The following LIPN variants were observed in gnomAD, a reference collection of about 807,000 sequenced individuals.
LIPN encodes lipase member N.
Under a neutral mutation model 43.7 loss-of-function variants are expected in LIPN, and 32 were observed. The observed-to-expected ratio is 0.73, with a 90% CI of 0.55 to 0.98. LIPN has a LOEUF of 0.98. Among genes scored for constraint, LIPN ranks in the 50% least tolerant of loss-of-function variants. The pLI, the probability that LIPN is intolerant of heterozygous loss-of-function variation, is 0.00. For synonymous variants in LIPN, 156 were observed against 157.6 expected, an observed-to-expected ratio of 0.99 and a Z score of 0.08; for missense variants, 505 against 483.8, an observed-to-expected ratio of 1.04 and a Z score of -0.41.
chr10:88,774,620 A>C, intron 8 of LIPN, 76 bp downstream of exon 8: 1 of 1,206,886 alleles, frequency 8.3e-7, no homozygotes, highest in African/African-American at 1.5e-5. Flanking sequence ...GACCCTGTTA[A>C]CAGGCCTACC....
chr10:88,760,282 T>C (rs144618756), intron 1 of LIPN, among the ~76,000 whole-genome samples, 176 bp downstream of exon 1: 2 of 152,168 alleles, frequency 1.3e-5, no homozygotes, highest in Non-Finnish European at 2.9e-5. Context: ...TTTTTTTAAT[T>C]GATAAAATGA....
In LIPN at chr10:88,761,404, C is replaced by T; in HGVS notation, c.-2C>T. 1 of 1,596,502 alleles carries T rather than the reference C, an allele frequency of 6.3e-7. No homozygotes were observed. Among genetic ancestry groups the T allele is most frequent in the South Asian group, 1.1e-5 (1 of 90,692 alleles). ...ATTAAATGTTTTATGCCAGGCATTTCTATGATGTGGCTGCTTTTAACAACA... is the reference window on the plus strand; with the variant it reads ...ATTAAATGTTTTATGCCAGGCATTTTTATGATGTGGCTGCTTTTAACAACA... On this transcript the variant is annotated 5_prime_UTR_variant, in exon 2 of 10. Coordinates refer to ENST00000404459, the MANE Select transcript of LIPN (RefSeq NM_001102469.2).
rs548245976 is a variant in LIPN, at chr10:88,773,483, AC to A, written c.820-988del. On this transcript the variant is annotated intron_variant, in intron 7 of 9. Transcript: ENST00000404459. Reference sequence around the variant, plus strand: ...TGGGTGACTTTTGTTTTGAAGTAAAACCTGCAAAATAACAGGACAGGGTGGA... The same window carrying A: ...TGGGTGACTTTTGTTTTGAAGTAAAACTGCAAAATAACAGGACAGGGTGGA... 3.3e-3 allele frequency among the ~76,000 whole-genome samples: 502 copies of A among 152,010 alleles called. 3 individuals carry two copies. Among genetic ancestry groups the A allele is most frequent in the African/African-American group, 0.012 (482 of 41,520 alleles).
In LIPN at chr10:88,767,002, A is replaced by ACTT. The variant is rs1843112870; in HGVS notation, c.535+625_535+627dup. On this transcript the variant is annotated intron_variant, in intron 5 of 9. Coordinates refer to ENST00000404459, the MANE Select transcript of LIPN (RefSeq NM_001102469.2). The stretch of plus-strand genomic sequence containing the variant: ...AAGCTGACAACTTACTTCTTAATTT[A>ACTT]CTTACTTTACTTAATTTACTTTACA... Among the ~76,000 whole-genome samples, 6 of 151,970 alleles carry ACTT rather than the reference A, an allele frequency of 3.9e-5. No individual in the cohort carries two copies. The South Asian group carries it at 1.2e-3, about 31-fold the overall frequency.
At position 88,775,147 on chromosome 10, in the gene LIPN, T is replaced by G. The variant is rs374661086; in HGVS notation, c.947T>G (p.Met316Arg). Residue 316 changes from methionine (M) to arginine (R), a missense_variant, in exon 9 of 10, where the codon ATG becomes AGG. By Grantham distance (91) the Met-to-Arg change is moderately conservative. Coordinates refer to ENST00000404459, the MANE Select transcript of LIPN (RefSeq NM_001102469.2). ...AYDWGNDADN[M>R]KHYNQSHPPI... ...GACTGGGGAAATGACGCTGATAATA[T>G]GAAACATTACAATCAGGTGAGCTAT... 3.9e-6 allele frequency: 6 copies of G among 1,544,342 alleles called. No homozygotes were observed. In the African/African-American group the frequency reaches 8.2e-5, roughly 21 times the overall value.
At chr10:88,761,930 A>C (rs1305430415) in intron 2 of LIPN, among the ~76,000 whole-genome samples, 1 of 152,088 alleles carries the variant, frequency 6.6e-6, no homozygotes, top group Non-Finnish European at 1.5e-5. Flanking sequence ...AAGACAATTG[A>C]CTTGATAATA....
In LIPN at chr10:88,767,675, A is replaced by T. The variant is rs1400274821; in HGVS notation, c.536-1117A>T. ...AAAAAAAAAAAAAAAAAAAAAAAAA[A>T]AAAAAAAAAAAAAAAAACCATGGAG... On this transcript the variant is annotated intron_variant, in intron 5 of 9. Transcript: ENST00000404459. Among the ~76,000 whole-genome samples the T allele has an allele frequency of 3.8e-4, 35 of 91,760 alleles. 1 individual carries two copies. Among genetic ancestry groups the T allele is most frequent in the African/African-American group, 1.2e-3 (31 of 25,146 alleles). The allele number at this position is 91,760 out of a possible 152,430, so 60.2% of individuals were successfully genotyped here. A position where few individuals can be genotyped will look rare whatever the true frequency, so the allele number is the denominator to read the frequency against.
At chr10:88,758,243 G>A (rs966972121), upstream of LIPN, among the ~76,000 whole-genome samples, 8 of 151,796 alleles carry the variant, frequency 5.3e-5, no homozygotes, top group African/African-American at 1.7e-4. Context: ...ACAATTGAAT[G>A]AGTAACCATC....
chr10:88,761,344 TA>T, intron 1 of LIPN, 53 bp from the exon 2 acceptor site: 1 of 1,010,228 alleles, frequency 9.9e-7, no homozygotes, highest in Non-Finnish European at 1.6e-6. Context: ...TTTATTTCAT[TA>T]ATCAACATTG....
Position 88,770,004 on chromosome 10 carries a change from T to TTTG in LIPN, c.673-840_673-839insTGT, listed in dbSNP as rs1843178488. 2.0e-4 allele frequency among the ~76,000 whole-genome samples: 30 copies of TTTG among 151,958 alleles called. 1 individual carries two copies. In the South Asian group the frequency reaches 6.2e-3, roughly 31 times the overall value. The stretch of plus-strand genomic sequence containing the variant: ...ATCTATCTGTAAATACATATATGCG[T>TTTG]TGTTTGTGTTGCTCTTCCTACATAG... On this transcript the variant is annotated intron_variant, in intron 6 of 9. Transcript: ENST00000404459.
chr10:88,774,688 T>A (rs1170205724), intron 8 of LIPN, 144 bp downstream of exon 8: 7 of 674,426 alleles, frequency 1.0e-5, no homozygotes, highest in East Asian at 2.7e-5. Flanking sequence ...TATGCCTTGA[T>A]TTCCCTGGAA....
chr10:88,774,813 C>T (rs530177412), intron 8 of LIPN, among the ~76,000 whole-genome samples: 1 of 152,000 alleles, frequency 6.6e-6, no homozygotes, highest in Non-Finnish European at 1.5e-5. Flanking sequence ...ACTAGGGAAG[C>T]CTCAGGAGAA....
chr10:88,768,815 C>A lies in LIPN; in HGVS notation c.559C>A (p.Pro187Thr), dbSNP rs1843155255. 7 of 1,611,324 alleles carry A rather than the reference C, an allele frequency of 4.3e-6. No homozygotes were observed. Among genetic ancestry groups the A allele is most frequent in the Non-Finnish European group, 5.9e-6 (7 of 1,178,310 alleles). Residue 187 changes from proline (P) to threonine (T), a missense_variant, in exon 6 of 10, where the codon CCT becomes ACT. Pro to Thr is a conservative substitution (Grantham distance 38). Coordinates refer to ENST00000404459, the MANE Select transcript of LIPN (RefSeq NM_001102469.2). Reference sequence around the variant, plus strand: ...AGGGTTTGTAGCCTTTTCCACCATGCCTGAACTGGCACAAAGAATCAAAAT... The same window carrying A: ...AGGGTTTGTAGCCTTTTCCACCATGACTGAACTGGCACAAAGAATCAAAAT... ...TIGFVAFSTM[P>T]ELAQRIKMNF... is the part of the protein sequence containing the mutation.
At chr10:88,771,015 A>T in intron 7 of LIPN, 24 bp downstream of exon 7, 1 of 1,528,388 alleles carries the variant, frequency 6.5e-7, no homozygotes. Flanking sequence ...TTATAGGGCC[A>T]TTTGATACCT....
In LIPN at chr10:88,778,286, A is replaced by T. The variant is rs190548352; in HGVS notation, c.*44A>T. The T allele has an allele frequency of 6.9e-7, 1 of 1,447,460 alleles. No homozygotes were observed. Among genetic ancestry groups the T allele is most frequent in the East Asian group, 2.4e-5 (1 of 40,882 alleles). 89.7% of individuals were successfully genotyped at this position (1,447,460 alleles called of 1,614,324 possible). A position where few individuals can be genotyped will look rare whatever the true frequency, so the allele number is the denominator to read the frequency against. On this transcript the variant is annotated 3_prime_UTR_variant, in exon 10 of 10. Transcript: ENST00000404459. ...TCAATTAAAAGTTGCTTCCAAGCCC[A>T]TAAGGGACTTTAGAAAAAATAGTAA...
chr10:88,768,135 T>C (rs143258630), intron 5 of LIPN, among the ~76,000 whole-genome samples: 1,690 of 151,680 alleles, frequency 0.011, 36 homozygotes, highest in African/African-American at 0.038. Flanking sequence ...TACCCAGTGT[T>C]GTGCTAATCT....
At chr10:88,772,871 A>G (rs1843234153) in intron 7 of LIPN, among the ~76,000 whole-genome samples, 1 of 98,376 alleles carries the variant, frequency 1.0e-5, no homozygotes, top group South Asian at 2.8e-4. Flanking sequence ...AAAAGAAAGA[A>G]AAAAAAAACA....
At chr10:88,768,960 A>T in intron 6 of LIPN, 32 bp downstream of exon 6, 1 of 1,593,902 alleles carries the variant, frequency 6.3e-7, no homozygotes, top group Non-Finnish European at 8.6e-7. Flanking sequence ...GTACCTGAGG[A>T]TCTCATTTTG....
In LIPN at chr10:88,769,003, G is replaced by A. The variant is rs930449070; in HGVS notation, c.672+75G>A. ...AATCCTTATTATTTTCAAATCTACT[G>A]TAAAGTAAAAGTAGGAAATTTAGAT... On this transcript the variant is annotated intron_variant, in intron 6 of 9. Transcript: ENST00000404459. 101 of 1,413,080 alleles carry A rather than the reference G, an allele frequency of 7.1e-5. No homozygotes were observed. In the Middle Eastern group the frequency reaches 3.9e-3, roughly 55 times the overall value. The allele number at this position is 1,413,080 out of a possible 1,614,324, so 87.5% of individuals were successfully genotyped here.
Sources: gnomAD v4.1 joint callset for allele counts (sites outside exome capture counted in the v4.1 genomes callset) on GRCh38, gnomAD v4.1.1 for gene constraint, MANE v1.5 for transcripts, NCBI Gene and HGNC (gene_info 2026-07-23, HGNC 2026-07-21) for gene names.